The following NOXO1 variants were observed in gnomAD, a reference collection of about 807,000 sequenced individuals.
NOXO1 encodes the protein NADPH oxidase regulatory protein.
A neutral mutation model predicts 33.3 loss-of-function variants in NOXO1; 38 were observed. The observed-to-expected ratio is 1.14, with a 90% CI of 0.88 to 1.50. The LOEUF (loss-of-function observed/expected upper bound fraction) is 1.50. NOXO1 is among the 40% of genes most tolerant of loss of function. The pLI is 0.00. For missense variants in NOXO1, 675 were observed against 527.1 expected, an observed-to-expected ratio of 1.28 and a Z score of -2.75; for synonymous variants, 302 against 237.3, an observed-to-expected ratio of 1.27 and a Z score of -2.51.
chr16:1,981,365 G>T lies in NOXO1; in HGVS notation c.-186C>A. 3 of 1,395,684 alleles carry T rather than the reference G, an allele frequency of 2.1e-6. No individual in the cohort carries two copies. The highest frequency in any genetic ancestry group is 2.8e-6 in the Non-Finnish European group (3 of 1,064,506). The allele number at this position is 1,395,684 out of a possible 1,614,324, so 86.5% of individuals were successfully genotyped here. A position where few individuals can be genotyped will look rare whatever the true frequency, so the allele number is the denominator to read the frequency against. ...TTGCAGCTTTCTTGCTGTCCCCCAA[G>T]CCCACGATCTGGGGGCAGGAGCACA... On this transcript the variant is annotated 5_prime_UTR_variant, in exon 1 of 8. Transcript: ENST00000356120.
chr16:1,979,467 ACGCGCGCCCC>A lies in NOXO1; in HGVS notation c.766_775del (p.Gly256CysfsTer37). 1 of 1,611,552 alleles carries A rather than the reference ACGCGCGCCCC, an allele frequency of 6.2e-7. No individual in the cohort carries two copies. Among genetic ancestry groups the A allele is most frequent in the South Asian group, 1.1e-5 (1 of 90,924 alleles). On this transcript the variant is annotated frameshift_variant, in exon 7 of 8. Coordinates refer to ENST00000356120, the MANE Select transcript of NOXO1 (RefSeq NM_172167.3). LOFTEE classifies it low-confidence loss of function (END_TRUNC). ...GCGGTCTGACGTTTCCAACACGCGC[ACGCGCGCCCC>A]CGCGGGCACGGACAGCTCATCTGCG...
rs1036173574 is a variant in NOXO1, at chr16:1,980,333, G to C, written c.401+34C>G. The C allele has an allele frequency of 1.2e-5, 19 of 1,585,298 alleles. No individual in the cohort carries two copies. The Admixed American group carries it at 2.6e-4, about 21-fold the overall frequency. The stretch of plus-strand genomic sequence containing the variant: ...TGGACCTCTCCCAGCTCCAAACGCC[G>C]CTGCATGCTGGGAGTTTGGGGCGAG... On this transcript the variant is annotated intron_variant, in intron 4 of 7. Transcript: ENST00000356120.
chr16:1,980,587 C>T (rs2083484931), intron 3 of NOXO1, 43 bp from the exon 4 acceptor site: 1 of 1,593,470 alleles, frequency 6.3e-7, no homozygotes, highest in East Asian at 2.3e-5. Flanking sequence ...CCGCTTTGGG[C>T]TTCACTGGTC....
intron 7 of NOXO1, 29 bp from the exon 8 acceptor site, chr16:1,979,378 C>A: frequency 6.3e-7 from 1 of 1,590,188 alleles, no homozygotes; most frequent in Non-Finnish European, 8.5e-7. Context: ...GGTTAGGGCC[C>A]CGCCCGCCTC....
At position 1,979,485 on chromosome 16, in the gene NOXO1, A is replaced by T. The variant is rs2083453230; in HGVS notation, c.758T>A (p.Val253Glu). Residue 253 changes from valine (V) to glutamate (E), a missense_variant, in exon 7 of 8, where the codon GTG becomes GAG. Coordinates refer to ENST00000356120, the MANE Select transcript of NOXO1 (RefSeq NM_172167.3). ...CACGCGCACGCGCGCCCCCGCGGGC[A>T]CGGACAGCTCATCTGCGCGGCTGCT... is the stretch of plus-strand genomic sequence containing the variant. ...YESSRADELSVPAGARVRVLE... is the reference protein window; with the variant it reads ...YESSRADELSEPAGARVRVLE... 6.2e-7 allele frequency: 1 copy of T among 1,611,858 alleles called. No homozygotes were observed. The highest frequency in any genetic ancestry group is 8.5e-7 in the Non-Finnish European group (1 of 1,179,564).
chr16:1,980,122 G>C lies in NOXO1; in HGVS notation c.461C>G (p.Ser154Cys), dbSNP rs759971058. The part of the protein sequence containing the change: ...QPLSRAAGRL[S>C]IHSLEAQSLR... ...GCTCTGAGCCTCCAGACTGTGGATG[G>C]AGAGGCGGCCCGCAGCGCGAGAAAG... The change falls in exon 5 of 8, where the codon TCC becomes TGC. Residue 154 changes from serine to cysteine, a missense_variant. Physicochemically the swap from Ser to Cys is moderately radical, Grantham distance 112. Transcript: ENST00000356120. 1.0e-5 allele frequency: 16 copies of C among 1,607,962 alleles called. No homozygotes were observed. Among genetic ancestry groups the C allele is most frequent in the Non-Finnish European group, 1.3e-5 (15 of 1,178,918 alleles).
In NOXO1 at chr16:1,979,248, G is replaced by A. The variant is rs1472805656; in HGVS notation, c.920C>T (p.Ala307Val). The stretch of plus-strand genomic sequence containing the variant: ...TTCAGGGAAGCCCCGGGCCTCACCC[G>A]CCGGGTCGTCTCCTCCACGGAACCC... Reference protein sequence around the residue: ...GTGFRGGDDPAGEARGFPEPS... With the variant: ...GTGFRGGDDPVGEARGFPEPS... Residue 307 changes from alanine to valine, a missense_variant, in exon 8 of 8, where the codon GCG (alanine) becomes GTG (valine). Coordinates refer to ENST00000356120, the MANE Select transcript of NOXO1 (RefSeq NM_172167.3). 7 of 1,516,222 alleles carry A rather than the reference G, an allele frequency of 4.6e-6. No homozygotes were observed. The highest frequency in any genetic ancestry group is 2.1e-5 in the Admixed American group (1 of 47,950). 93.9% of individuals were successfully genotyped at this position (1,516,222 alleles called of 1,614,324 possible).
chr16:1,979,354 G>A lies in NOXO1; in HGVS notation c.819-5C>T, dbSNP rs956125841. ...AGGCCCGCCCGGTCGCCGTACCTGC[G>A]AGGGGCGGGGTGTGGTTAGGGCCCC... On this transcript the variant is annotated splice_polypyrimidine_tract_variant and splice_region_variant and intron_variant, in intron 7 of 7. Transcript: ENST00000356120. 13 of 1,581,494 alleles carry A rather than the reference G, an allele frequency of 8.2e-6. No individual in the cohort carries two copies. Among genetic ancestry groups the A allele is most frequent in the Non-Finnish European group, 1.0e-5 (12 of 1,170,836 alleles).
At chr16:1,980,872 G>A in intron 2 of NOXO1, 67 bp downstream of exon 2, 1 of 1,154,616 alleles carries the variant, frequency 8.7e-7, no homozygotes, top group Non-Finnish European at 1.2e-6. Flanking sequence ...ATGGGAGGCA[G>A]TCCAGTGGGA....
rs1205303374 is a variant in NOXO1 at position 1,980,492 on chromosome 16, C to A, written c.276G>T (p.Leu92=). ...VGRTSRGLAR[L]QLLETYSRRL... is the part of the protein sequence containing the mutation. The stretch of plus-strand genomic sequence containing the variant: ...TCCGAGAATAGGTTTCCAACAGCTG[C>A]AGGCGCGCCAGGCCGCGGCTCGTGC... The change falls in exon 4 of 8, where the codon CTG becomes CTT. Residue 92 remains leucine (L), a synonymous_variant. Coordinates refer to ENST00000356120, the MANE Select transcript of NOXO1 (RefSeq NM_172167.3). 3 of 1,602,660 alleles carry A rather than the reference C, an allele frequency of 1.9e-6. No individual in the cohort carries two copies. The East Asian group carries it at 6.7e-5, about 36-fold the overall frequency.
rs761480134 is a variant in NOXO1 at position 1,980,513 on chromosome 16, C to T, written c.255G>A (p.Thr85=). The part of the protein sequence containing the change: ...DAPLLGRVGR[T]SRGLARLQLL... Reference sequence around the variant, plus strand: ...GCTGCAGGCGCGCCAGGCCGCGGCTCGTGCGCCCCACGCGTCCCAACAGTG... The same window carrying T: ...GCTGCAGGCGCGCCAGGCCGCGGCTTGTGCGCCCCACGCGTCCCAACAGTG... Residue 85 remains threonine (T), a synonymous_variant, in exon 4 of 8, where the codon ACG becomes ACA. Transcript: ENST00000356120. 12 of 1,603,152 alleles carry T rather than the reference C, an allele frequency of 7.5e-6. No individual in the cohort carries two copies. Among genetic ancestry groups the T allele is most frequent in the South Asian group, 4.4e-5 (4 of 90,864 alleles).
rs2083494220 is a variant in NOXO1, at chr16:1,980,867, AGGCAGTCCAGTG to A, written c.147+60_147+71del. ...GCCTCCAGTGGGAGTCACTGATGGG[AGGCAGTCCAGTG>A]GGAGGCAGCCGCGTGGGGAAGCCGC... On this transcript the variant is annotated intron_variant, in intron 2 of 7. Transcript: ENST00000356120. 1.6e-5 allele frequency: 18 copies of A among 1,140,846 alleles called. No individual in the cohort carries two copies. The Admixed American group carries it at 4.6e-4, about 29-fold the overall frequency. 70.7% of individuals were successfully genotyped at this position (1,140,846 alleles called of 1,614,324 possible). A position where few individuals can be genotyped will look rare whatever the true frequency, so the allele number is the denominator to read the frequency against.
intron 1 of NOXO1, 21 bp downstream of exon 1, chr16:1,981,093 A>G (rs760010235): frequency 1.2e-6 from 2 of 1,611,346 alleles, no homozygotes; most frequent in Admixed American, 3.3e-5. Flanking sequence ...TGGGGCCACT[A>G]AGGACCCAGC....
In NOXO1 at chr16:1,980,093, G is replaced by A. The variant is rs201558628; in HGVS notation, c.490C>T (p.Arg164Cys). 5.2e-5 allele frequency: 84 copies of A among 1,607,252 alleles called. No homozygotes were observed. In the East Asian group the frequency reaches 1.8e-3, roughly 34 times the overall value. ...TGGGTACAGAAGGGCTGCAGGCAGC[G>A]CAGGCTCTGAGCCTCCAGACTGTGG... ...SIHSLEAQSL[R>C]CLQPFCTQDT... Residue 164 changes from arginine to cysteine, a missense_variant, in exon 5 of 8, where the codon CGC becomes TGC. Physicochemically the swap from Arg to Cys is radical, Grantham distance 180 (BLOSUM62 -3). Coordinates refer to ENST00000356120, the MANE Select transcript of NOXO1 (RefSeq NM_172167.3).
Position 1,980,064 on chromosome 16 carries a change from G to A in NOXO1, c.519C>T (p.Asp173=), listed in dbSNP as rs1779074688. 1.2e-6 allele frequency: 2 copies of A among 1,607,996 alleles called. No homozygotes were observed. The highest frequency in any genetic ancestry group is 2.2e-5 in the East Asian group (1 of 44,752). Residue 173 remains aspartate, a synonymous_variant, in exon 5 of 8, where the codon GAC becomes GAT. Coordinates refer to ENST00000356120, the MANE Select transcript of NOXO1 (RefSeq NM_172167.3). ...LRCLQPFCTQ[D]TRDRPFQAQA... is the part of the protein sequence containing the mutation. ...GCGCCTGAAAAGGCCTATCCCGCGT[G>A]TCCTGGGTACAGAAGGGCTGCAGGC...
Position 1,979,847 on chromosome 16 carries a change from G to C in NOXO1, c.643C>G (p.Leu215Val), listed in dbSNP as rs1298029198. 5 of 1,580,446 alleles carry C rather than the reference G, an allele frequency of 3.2e-6. No individual in the cohort carries two copies. The African/African-American group carries it at 4.0e-5, about 13-fold the overall frequency. The change falls in exon 6 of 8, where the codon CTG becomes GTG. Residue 215 changes from leucine to valine, a missense_variant. Leu to Val is a conservative substitution (Grantham distance 32). Coordinates refer to ENST00000356120, the MANE Select transcript of NOXO1 (RefSeq NM_172167.3). ...RQTAWFPAPY[L>V]EEAAPGQGRE... ...CCTTGGCCCGGGGCCGCCTCCTCCA[G>C]GTAGGGCGCTGGAAACCAGGCGGTC...
At chr16:1,979,926 G>T (rs767016899) in intron 5 of NOXO1, 23 bp from the exon 6 acceptor site, 1 of 1,576,824 alleles carries the variant, frequency 6.3e-7, no homozygotes, top group South Asian at 1.2e-5. Context: ...AGCGGGCAGG[G>T]ACTCAAATCT....
chr16:1,979,830 CG>C lies in NOXO1; in HGVS notation c.659del (p.Pro220ArgfsTer11). The C allele has an allele frequency of 6.4e-7, 1 of 1,572,262 alleles. No individual in the cohort carries two copies. On this transcript the variant is annotated frameshift_variant, in exon 6 of 8. Transcript: ENST00000356120. LOFTEE classifies it high-confidence loss of function. ...FPAPYLEEAA[P>X]GQGREGGPSL... ...ACGGGCCTCCCTCCCGGCCTTGGCC[CG>C]GGGCCGCCTCCTCCAGGTAGGGCGC... is the stretch of plus-strand genomic sequence containing the variant.
Position 1,981,460 on chromosome 16 carries a change from G to C in NOXO1, c.-281C>G, listed in dbSNP as rs561211825. ...GAATGAGCTTTCCAGCCCTGGAGGC[G>C]TGCAAGACTGAAGAAGGGGCGAAGG... On this transcript the variant is annotated 5_prime_UTR_variant, in exon 1 of 8. Coordinates refer to ENST00000356120, the MANE Select transcript of NOXO1 (RefSeq NM_172167.3). 6 of 670,644 alleles carry C rather than the reference G, an allele frequency of 8.9e-6. No homozygotes were observed. The East Asian group carries it at 1.6e-4, about 18-fold the overall frequency. The allele number at this position is 670,644 out of a possible 1,614,324, so 41.5% of individuals were successfully genotyped here.
Sources: allele counts gnomAD v4.1 joint callset, GRCh38; gene constraint gnomAD v4.1.1; transcripts MANE v1.5; gene names NCBI Gene and HGNC (gene_info 2026-07-23, HGNC 2026-07-21).